Variants in CNBD1 observed in about 807,000 individuals in gnomAD.
CNBD1 encodes the protein cyclic nucleotide binding domain containing 1.
In CNBD1, 71 loss-of-function variants were observed where a neutral mutation model predicts 54.4. The ratio of observed to expected loss-of-function variants is 1.30; its 90% CI spans 1.08 to 1.59. The LOEUF is 1.59. Ranked by LOEUF, CNBD1 falls within the 40% of genes most tolerant of loss-of-function variation. The pLI, the probability that CNBD1 is intolerant of heterozygous loss-of-function variation, is 0.00. For missense variants in CNBD1, 659 were observed against 518.0 expected, an observed-to-expected ratio of 1.27 and a Z score of -2.64; for synonymous variants, 182 against 170.7, an observed-to-expected ratio of 1.07 and a Z score of -0.51.
At chr8:87,001,294 A>G (rs757040153) in intron 4 of CNBD1, among the ~76,000 whole-genome samples, 3 of 152,076 alleles carry the variant, frequency 2.0e-5, no homozygotes, top group Non-Finnish European at 4.4e-5. Flanking sequence ...AGGTTGTATT[A>G]TAGTGTAAGT....
intron 6 of CNBD1, among the ~76,000 whole-genome samples, chr8:87,257,236 G>A (rs1808042071): frequency 6.6e-6 from 1 of 151,870 alleles, no homozygotes; most frequent in African/African-American, 2.4e-5. Flanking sequence ...CAGTGTGGTA[G>A]CAGGCACCTG....
At chr8:87,370,151 A>C (rs1318368773) in intron 10 of CNBD1, among the ~76,000 whole-genome samples, 88 of 151,716 alleles carry the variant, frequency 5.8e-4, no homozygotes, top group Non-Finnish European at 1.1e-3. Flanking sequence ...GGTTGGTTCC[A>C]AGTCTTTGCT....
chr8:87,060,915 TG>T (rs1810530539), intron 4 of CNBD1, among the ~76,000 whole-genome samples: 1 of 152,154 alleles, frequency 6.6e-6, no homozygotes, highest in African/African-American at 2.4e-5. Flanking sequence ...AGGAAGAAGC[TG>T]GTCACCAATA....
At chr8:87,332,573 G>A (rs1285221889) in intron 8 of CNBD1, among the ~76,000 whole-genome samples, 1 of 152,126 alleles carries the variant, frequency 6.6e-6, no homozygotes, top group Non-Finnish European at 1.5e-5. Context: ...TTAAGGAAGG[G>A]ATCCAGTTTC....
intron 4 of CNBD1, among the ~76,000 whole-genome samples, chr8:87,061,514 A>G (rs1810546985): frequency 6.6e-6 from 1 of 152,198 alleles, no homozygotes; most frequent in Admixed American, 6.5e-5. Flanking sequence ...ATATGCATTT[A>G]CATTCATGTT....
intron 2 of CNBD1, among the ~76,000 whole-genome samples, chr8:87,424,922 A>G (rs1808018138): frequency 6.6e-6 from 1 of 152,120 alleles, no homozygotes; most frequent in African/African-American, 2.4e-5. Context: ...GTGTTTTCCA[A>G]CTTGGTTCCA....
intron 4 of CNBD1, among the ~76,000 whole-genome samples, chr8:87,115,102 C>A (rs1311798559): frequency 6.6e-6 from 1 of 152,110 alleles, no homozygotes; most frequent in East Asian, 1.9e-4. Flanking sequence ...CCTGCTTTAC[C>A]AGAGATGATA....
chr8:87,001,685 C>A (rs920530866), intron 4 of CNBD1, among the ~76,000 whole-genome samples: 4 of 152,152 alleles, frequency 2.6e-5, no homozygotes, highest in African/African-American at 9.6e-5. Context: ...TGGGATCATG[C>A]ATAATTAAGG....
chr8:86,868,879 G>T (rs1177439759), intron 1 of CNBD1, among the ~76,000 whole-genome samples: 2 of 152,050 alleles, frequency 1.3e-5, no homozygotes, highest in African/African-American at 4.8e-5. Context: ...TGAGATGGGA[G>T]AATATTCCGG....
intron 3 of CNBD1, among the ~76,000 whole-genome samples, chr8:86,920,239 G>A (rs1020048758): frequency 6.6e-6 from 1 of 152,018 alleles, no homozygotes; most frequent in African/African-American, 2.4e-5. Context: ...AATTTTTTTG[G>A]TATATTTTAA....
At chr8:87,354,397 C>CT (rs916416361) in intron 10 of CNBD1, among the ~76,000 whole-genome samples, 10 of 150,922 alleles carry the variant, frequency 6.6e-5, no homozygotes, top group South Asian at 2.1e-4. Context: ...TCTAGGATTT[C>CT]TTTTTTTTTA....
intron 4 of CNBD1, among the ~76,000 whole-genome samples, chr8:87,104,597 C>T (rs1264369906): frequency 2.0e-5 from 3 of 152,054 alleles, no homozygotes; most frequent in Admixed American, 6.6e-5. Flanking sequence ...AGAAAAGAGG[C>T]TTTTATGGGA....
intron 2 of CNBD1, among the ~76,000 whole-genome samples, chr8:87,402,005 C>G (rs1373910655): frequency 2.0e-5 from 3 of 151,900 alleles, no homozygotes; most frequent in East Asian, 1.9e-4. Context: ...TATCCAAGAC[C>G]TGGTAATCCA....
intron 6 of CNBD1, among the ~76,000 whole-genome samples, chr8:87,267,386 A>T (rs1808281363): frequency 6.6e-6 from 1 of 152,180 alleles, no homozygotes; most frequent in African/African-American, 2.4e-5. Context: ...ACAATATATA[A>T]TGATGGAGAA....
chr8:87,060,523 C>G (rs1810519386), intron 4 of CNBD1, among the ~76,000 whole-genome samples: 1 of 152,232 alleles, frequency 6.6e-6, no homozygotes. Context: ...ACTATTTACT[C>G]CTTTTCTCCA....
At chr8:87,069,178 G>T (rs567303789) in intron 4 of CNBD1, among the ~76,000 whole-genome samples, 2 of 152,086 alleles carry the variant, frequency 1.3e-5, no homozygotes, top group African/African-American at 4.8e-5. Flanking sequence ...GATAGCTTTG[G>T]TATTATTTCA....
At chr8:87,045,236 A>G (rs1810156560) in intron 4 of CNBD1, among the ~76,000 whole-genome samples, 1 of 152,196 alleles carries the variant, frequency 6.6e-6, no homozygotes, top group Non-Finnish European at 1.5e-5. Context: ...CATTGAGTAT[A>G]CAGGGTCCAA....
At chr8:86,925,354 T>A (rs1809340025) in intron 3 of CNBD1, among the ~76,000 whole-genome samples, 1 of 152,120 alleles carries the variant, frequency 6.6e-6, no homozygotes, top group Non-Finnish European at 1.5e-5. Context: ...TTTTTATGAG[T>A]GAGGCTCACT....
chr8:87,363,616 CT>C (rs1037792051), intron 10 of CNBD1, among the ~76,000 whole-genome samples: 1 of 152,032 alleles, frequency 6.6e-6, no homozygotes, highest in Non-Finnish European at 1.5e-5. Context: ...TGATGATGAG[CT>C]TTTTTTCATA....
Sources: allele counts gnomAD v4.1 joint callset (sites outside exome capture counted in the v4.1 genomes callset), GRCh38; gene constraint gnomAD v4.1.1; transcripts MANE v1.5; gene names NCBI Gene and HGNC (gene_info 2026-07-23, HGNC 2026-07-21).